Variants in UACA observed in about 807,000 individuals in gnomAD.
UACA encodes uveal autoantigen with coiled-coil domains and ankyrin repeats, also known as nuclear membrane binding protein.
A neutral mutation model predicts 160.5 loss-of-function variants in UACA; 112 were observed. The observed-to-expected ratio is 0.70, with a 90% CI of 0.60 to 0.82. UACA has a LOEUF of 0.82. UACA is among the 40% of genes least tolerant of loss of function. The probability of loss-of-function intolerance (pLI) is 0.00; values close to 1 mark genes in which losing one functional copy is unlikely to be tolerated. For synonymous variants in UACA, 557 were observed against 568.4 expected (o/e 0.98, Z 0.29); for missense variants, 1,574 against 1,614.6 (o/e 0.97, Z 0.43).
intron 1 of UACA, among the ~76,000 whole-genome samples, chr15:70,760,275 A>C (rs188327725): frequency 2.6e-5 from 4 of 152,312 alleles, no homozygotes; most frequent in African/African-American, 9.6e-5. Context: ...GGGGTTGTTT[A>C]ATATTAAATA....
intron 7 of UACA, among the ~76,000 whole-genome samples, chr15:70,687,059 T>G (rs947443408): frequency 1.3e-5 from 2 of 152,200 alleles, no homozygotes; most frequent in Non-Finnish European, 2.9e-5. Flanking sequence ...CACTGTACCC[T>G]GGCAGAGTAA....
intron 1 of UACA, among the ~76,000 whole-genome samples, chr15:70,728,180 A>T (rs1198556069): frequency 1.3e-5 from 2 of 152,224 alleles, no homozygotes; most frequent in Non-Finnish European, 2.9e-5. Context: ...CCATATGTAG[A>T]AGAATGAAAC....
At chr15:70,676,185 T>C (rs1036130026) in intron 13 of UACA, 3 of 204,704 alleles carry the variant, frequency 1.5e-5, no homozygotes, top group African/African-American at 6.9e-5. Context: ...TTATACTCAC[T>C]GCAAATTTAC....
intron 1 of UACA, among the ~76,000 whole-genome samples, chr15:70,736,844 G>A (rs1899383200): frequency 6.6e-6 from 1 of 152,164 alleles, no homozygotes; most frequent in South Asian, 2.1e-4. Context: ...ATATTGACGT[G>A]TTTATTCTAA....
intron 1 of UACA, among the ~76,000 whole-genome samples, chr15:70,702,654 T>C (rs1156858626): frequency 6.6e-6 from 1 of 152,194 alleles, no homozygotes; most frequent in Admixed American, 6.5e-5. Context: ...AAACAGAATA[T>C]AAAATTCTAT....
At chr15:70,676,966 C>G in intron 12 of UACA, 142 bp downstream of exon 12, 1 of 628,698 alleles carries the variant, frequency 1.6e-6, no homozygotes. Flanking sequence ...CTTTTTTAGT[C>G]ATCTATAGAT....
the UACA span, among the ~76,000 whole-genome samples, chr15:70,774,338 C>A: frequency 6.6e-5 from 10 of 151,882 alleles, no homozygotes; most frequent in East Asian, 1.5e-3. Context: ...CGAGGTCAGG[C>A]GATCGAGACC....
intron 1 of UACA, among the ~76,000 whole-genome samples, chr15:70,740,781 C>T (rs1899508537): frequency 6.6e-6 from 1 of 152,082 alleles, no homozygotes; most frequent in Non-Finnish European, 1.5e-5. Flanking sequence ...GTGGCTCACA[C>T]CTGTAATCCC....
intron 1 of UACA, among the ~76,000 whole-genome samples, chr15:70,761,215 G>A (rs2030733193): frequency 6.6e-6 from 1 of 152,292 alleles, no homozygotes; most frequent in African/African-American, 2.4e-5. Context: ...TATATGCTAA[G>A]CTCTCTCTGG....
intron 1 of UACA, among the ~76,000 whole-genome samples, chr15:70,729,859 G>A (rs1348092942): frequency 2.4e-5 from 3 of 126,126 alleles, no homozygotes; most frequent in Non-Finnish European, 1.6e-5. Context: ...GCCTAACTGG[G>A]AGGCACCCCC....
chr15:70,690,876 A>C (rs1226785230), intron 4 of UACA, among the ~76,000 whole-genome samples: 3 of 152,142 alleles, frequency 2.0e-5, no homozygotes, highest in Non-Finnish European at 4.4e-5. Flanking sequence ...AAAATGTATG[A>C]CTGAAATATT....
chr15:70,682,383 T>A (rs796237216), intron 9 of UACA, among the ~76,000 whole-genome samples: 6 of 152,176 alleles, frequency 3.9e-5, no homozygotes, highest in African/African-American at 1.4e-4. Flanking sequence ...CCCATAACAG[T>A]CAATATTTTG....
At chr15:70,753,810 T>A in intron 1 of UACA, among the ~76,000 whole-genome samples, 1 of 152,220 alleles carries the variant, frequency 6.6e-6, no homozygotes, top group East Asian at 1.9e-4. Context: ...CTTATAATTT[T>A]TTTTGTTGCT....
chr15:70,720,660 TTAGAG>T (rs1898962108), intron 1 of UACA, among the ~76,000 whole-genome samples: 1 of 152,360 alleles, frequency 6.6e-6, no homozygotes, highest in African/African-American at 2.4e-5. Flanking sequence ...AAGGAAATTC[TTAGAG>T]TATTTTCCTT....
At chr15:70,743,116 T>C (rs1475773637) in intron 1 of UACA, among the ~76,000 whole-genome samples, 2 of 152,212 alleles carry the variant, frequency 1.3e-5, no homozygotes, top group East Asian at 3.8e-4. Flanking sequence ...AAGCCTCTCT[T>C]AGCTCAAGAC....
Position 70,679,632 on chromosome 15 carries a change from A to C in UACA, c.867T>G (p.His289Gln), listed in dbSNP as rs146712252. The C allele has an allele frequency of 1.2e-4, 195 of 1,589,780 alleles. 1 individual carries two copies. The African/African-American group carries it at 2.3e-3, about 19-fold the overall frequency. Residue 289 changes from histidine to glutamine, a missense_variant, in exon 10 of 19, where the codon CAT becomes CAG. By Grantham distance (24) the His-to-Gln change is conservative. Transcript: ENST00000322954. ...HMQDEVNVKS[H>Q]QREHQNIQDL... Reference sequence around the variant, plus strand: ...CCTGAATATTTTGATGCTCCCTCTGATGTGACTTCACATTTACTTCATCTT... The same window carrying C: ...CCTGAATATTTTGATGCTCCCTCTGCTGTGACTTCACATTTACTTCATCTT...
intron 8 of UACA, among the ~76,000 whole-genome samples, chr15:70,683,039 G>A (rs1166254272): frequency 6.6e-6 from 1 of 151,948 alleles, no homozygotes; most frequent in African/African-American, 2.4e-5. Context: ...AAAGACTAAG[G>A]ATTGGAGGCA....
At chr15:70,676,185 T>G (rs1036130026) in intron 13 of UACA, 1 of 204,704 alleles carries the variant, frequency 4.9e-6, no homozygotes. Flanking sequence ...TTATACTCAC[T>G]GCAAATTTAC....
chr15:70,673,089 T>A (rs1897191499), intron 13 of UACA, among the ~76,000 whole-genome samples: 1 of 151,668 alleles, frequency 6.6e-6, no homozygotes, highest in African/African-American at 2.4e-5. Context: ...AGAGTGAAAC[T>A]TCGTCTCAAA....
Sources: allele counts gnomAD v4.1 joint callset (sites outside exome capture counted in the v4.1 genomes callset), GRCh38; gene constraint gnomAD v4.1.1; transcripts MANE v1.5; gene names NCBI Gene and HGNC (gene_info 2026-07-23, HGNC 2026-07-21).